Variants in PDZRN4 observed in about 807,000 individuals in gnomAD.
The protein encoded by PDZRN4 is PDZ domain-containing RING finger protein 4.
In PDZRN4, 70 loss-of-function variants were observed where a neutral mutation model predicts 99.0. The observed-to-expected ratio is 0.71, with a 90% CI of 0.58 to 0.86. The LOEUF (loss-of-function observed/expected upper bound fraction) is 0.86. Ranked by LOEUF, PDZRN4 falls within the 40% of genes least tolerant of loss-of-function variation. The pLI, the probability that PDZRN4 is intolerant of heterozygous loss-of-function variation, is 0.00. For synonymous variants in PDZRN4, 551 were observed against 501.6 expected (o/e 1.10, Z -1.32); for missense variants, 1,474 against 1,331.2 (o/e 1.11, Z -1.67).
intron 3 of PDZRN4, among the ~76,000 whole-genome samples, chr12:41,365,117 G>A (rs753082494): frequency 2.3e-4 from 35 of 151,832 alleles, no homozygotes; most frequent in Non-Finnish European, 4.3e-4. Context: ...TTTTTTTCTC[G>A]AAAACTTAAA....
chr12:41,571,335 GTCTC>G lies in PDZRN4; in HGVS notation c.1585-990_1585-987del, dbSNP rs752003607. ...TACATGAAAGCCAAAAATTACCAGA[GTCTC>G]TCTCTCTCTCTCTCTCTCTCTCTCT... On this transcript the variant is annotated intron_variant, in intron 9 of 9. Coordinates refer to ENST00000402685, the MANE Select transcript of PDZRN4 (RefSeq NM_001164595.2). Among the ~76,000 whole-genome samples the G allele has an allele frequency of 8.2e-3, 833 of 101,186 alleles. 16 individuals are homozygous for G. Among genetic ancestry groups the G allele is most frequent in the Admixed American group, 0.026 (242 of 9,178 alleles). 66.4% of individuals were successfully genotyped at this position (101,186 alleles called of 152,430 possible).
intron 3 of PDZRN4, among the ~76,000 whole-genome samples, chr12:41,428,271 C>T (rs17129347): frequency 0.063 from 9,641 of 152,182 alleles, 752 homozygotes; most frequent in East Asian, 0.18. Context: ...GATCTGGTTA[C>T]TCCCTATTAT....
chr12:41,526,260 C>A (rs1938565935), intron 5 of PDZRN4, among the ~76,000 whole-genome samples: 1 of 152,150 alleles, frequency 6.6e-6, no homozygotes, highest in African/African-American at 2.4e-5. Context: ...TGGCTCTTGG[C>A]ATTCTGAGCT....
intron 3 of PDZRN4, among the ~76,000 whole-genome samples, chr12:41,374,802 A>G (rs1156410310): frequency 6.6e-6 from 1 of 152,200 alleles, no homozygotes; most frequent in African/African-American, 2.4e-5. Flanking sequence ...AAATTCTTTT[A>G]TACTACTCTC....
At chr12:41,544,338 G>A (rs762078319) in intron 5 of PDZRN4, among the ~76,000 whole-genome samples, 1 of 152,168 alleles carries the variant, frequency 6.6e-6, no homozygotes. Flanking sequence ...CTTTCAGAAC[G>A]TATTCTACTT....
At chr12:41,230,694 G>A (rs542915490) in intron 3 of PDZRN4, among the ~76,000 whole-genome samples, 23 of 152,108 alleles carry the variant, frequency 1.5e-4, no homozygotes, top group Middle Eastern at 3.4e-3. Context: ...CTATATCACT[G>A]CACTTGAAAA....
At chr12:41,527,609 G>C (rs1247706732) in intron 5 of PDZRN4, among the ~76,000 whole-genome samples, 2 of 152,184 alleles carry the variant, frequency 1.3e-5, no homozygotes, top group Non-Finnish European at 2.9e-5. Flanking sequence ...TAAGTCAACT[G>C]TTATCTTTCC....
At position 41,191,446 on chromosome 12, in the gene PDZRN4, A is replaced by AT. The variant is rs533490568; in HGVS notation, c.649-5dup. On this transcript the variant is annotated splice_polypyrimidine_tract_variant and intron_variant, in intron 1 of 9. Transcript: ENST00000402685. The stretch of plus-strand genomic sequence containing the variant: ...TTTACCTGGTTAAGTCATTTTATAC[A>AT]TTTTTTTCTAGGATGGAGAGCATAA... 203 of 1,371,644 alleles carry AT rather than the reference A, an allele frequency of 1.5e-4. 1 individual carries two copies. In the South Asian group the frequency reaches 2.2e-3, roughly 15 times the overall value. 85.0% of individuals were successfully genotyped at this position (1,371,644 alleles called of 1,614,324 possible).
At chr12:41,408,342 C>T (rs1054415247) in intron 3 of PDZRN4, among the ~76,000 whole-genome samples, 2 of 152,140 alleles carry the variant, frequency 1.3e-5, no homozygotes, top group Non-Finnish European at 2.9e-5. Context: ...TTGTAAATTG[C>T]TTTCCTTTTA....
chr12:41,223,930 GAA>G (rs1470325283), intron 3 of PDZRN4, among the ~76,000 whole-genome samples: 5 of 152,218 alleles, frequency 3.3e-5, no homozygotes, highest in Non-Finnish European at 7.3e-5. Context: ...TCTTAGTGGA[GAA>G]AAGTGTTTCA....
At chr12:41,306,235 C>T (rs1268299232) in intron 3 of PDZRN4, among the ~76,000 whole-genome samples, 2 of 152,182 alleles carry the variant, frequency 1.3e-5, no homozygotes, top group African/African-American at 2.4e-5. Context: ...CTGGCTATAC[C>T]ATGGCTCTGC....
chr12:41,369,563 AG>A (rs1952025749), intron 3 of PDZRN4, among the ~76,000 whole-genome samples: 2 of 151,944 alleles, frequency 1.3e-5, no homozygotes, highest in Admixed American at 1.3e-4. Flanking sequence ...TATGACATTA[AG>A]TCTTTAAGTG....
intron 3 of PDZRN4, among the ~76,000 whole-genome samples, chr12:41,329,203 T>C (rs890030100): frequency 6.6e-6 from 1 of 152,114 alleles, no homozygotes; most frequent in African/African-American, 2.4e-5. Context: ...GCCTCAGAGA[T>C]GAAAACCTCC....
intron 3 of PDZRN4, among the ~76,000 whole-genome samples, chr12:41,245,119 G>A (rs879629569): frequency 2.6e-5 from 4 of 152,074 alleles, no homozygotes; most frequent in Non-Finnish European, 4.4e-5. Flanking sequence ...TCTAGCTAGC[G>A]TCTTGGCAGT....
chr12:41,191,490 A>G lies in PDZRN4; in HGVS notation c.681A>G (p.Leu227=), dbSNP rs774007008. Residue 227 remains leucine (L), a synonymous_variant, in exon 2 of 10, where the codon TTA becomes TTG. Coordinates refer to ENST00000402685, the MANE Select transcript of PDZRN4 (RefSeq NM_001164595.2). ...DGEHKPFTIV[L]ERENDTLGFN... is the part of the protein sequence containing the mutation. ...AGCATAAGCCATTCACTATTGTGTT[A>G]GAAAGAGAAAATGACACTTTGGGAT... 5.1e-6 allele frequency: 8 copies of G among 1,577,096 alleles called. No individual in the cohort carries two copies. The African/African-American group carries it at 1.1e-4, about 21-fold the overall frequency.
intron 3 of PDZRN4, among the ~76,000 whole-genome samples, chr12:41,340,592 T>C (rs1951809086): frequency 6.6e-6 from 1 of 151,952 alleles, no homozygotes; most frequent in African/African-American, 2.4e-5. Flanking sequence ...ATAATCAGAA[T>C]GTTCATAACA....
At chr12:41,328,480 C>G (rs970112721) in intron 3 of PDZRN4, among the ~76,000 whole-genome samples, 1 of 152,104 alleles carries the variant, frequency 6.6e-6, no homozygotes. Flanking sequence ...GATAATGCCA[C>G]TACACTCAAG....
intron 3 of PDZRN4, among the ~76,000 whole-genome samples, chr12:41,450,373 G>A (rs1352149437): frequency 6.6e-6 from 1 of 152,114 alleles, no homozygotes; most frequent in Non-Finnish European, 1.5e-5. Flanking sequence ...CAGAGAGGGT[G>A]GAAGTTAAGT....
chr12:41,542,663 A>G (rs573552236), intron 5 of PDZRN4, among the ~76,000 whole-genome samples: 34 of 152,202 alleles, frequency 2.2e-4, no homozygotes, highest in Non-Finnish European at 4.1e-4. Context: ...CAACTGAATG[A>G]AAGTCAGGAG....
Sources: allele counts gnomAD v4.1 joint callset (sites outside exome capture counted in the v4.1 genomes callset), GRCh38; gene constraint gnomAD v4.1.1; transcripts MANE v1.5; gene names NCBI Gene and HGNC (gene_info 2026-07-23, HGNC 2026-07-21).